The following GABRB1 variants were observed in gnomAD, a reference collection of about 807,000 sequenced individuals.
GABRB1 encodes the protein gamma-aminobutyric acid type A receptor subunit beta1, also known as gamma-aminobutyric acid receptor subunit beta-1.
Under a neutral mutation model 51.6 loss-of-function variants are expected in GABRB1, and 17 were observed. The observed-to-expected ratio is 0.33, with a 90% confidence interval of 0.23 to 0.49. The LOEUF (loss-of-function observed/expected upper bound fraction) is 0.49, where lower values mean the gene tolerates loss of function less well. GABRB1 is among the 20% of genes least tolerant of loss of function. The pLI is 0.99. For synonymous variants in GABRB1, 247 were observed against 218.9 expected, an observed-to-expected ratio of 1.13 and a Z score of -1.14; for missense variants, 410 against 600.6, an observed-to-expected ratio of 0.68 and a Z score of 3.32.
intron 1 of GABRB1, among the ~76,000 whole-genome samples, chr4:47,025,913 C>G (rs1328710313): frequency 6.6e-6 from 1 of 151,928 alleles, no homozygotes; most frequent in Admixed American, 6.6e-5. Context: ...CTTTAAAACT[C>G]AAAGCCTTTA....
intron 5 of GABRB1, among the ~76,000 whole-genome samples, chr4:47,379,561 T>A (rs1727522779): frequency 6.6e-6 from 1 of 152,206 alleles, no homozygotes; most frequent in South Asian, 2.1e-4. Flanking sequence ...TATTTTCAAT[T>A]TATGATTGGT....
intron 3 of GABRB1, chr4:47,032,714 G>A (rs779395315): frequency 1.3e-5 from 9 of 706,618 alleles, no homozygotes; most frequent in Non-Finnish European, 2.4e-5. Context: ...ACTATTTTGG[G>A]AAGGACGAGT....
At chr4:47,121,114 C>T (rs1401534530) in intron 3 of GABRB1, among the ~76,000 whole-genome samples, 1 of 152,132 alleles carries the variant, frequency 6.6e-6, no homozygotes, top group Non-Finnish European at 1.5e-5. Flanking sequence ...GGTGGCAAAG[C>T]TTAGTAAAAC....
intron 5 of GABRB1, among the ~76,000 whole-genome samples, chr4:47,355,707 A>G (rs1726541494): frequency 6.6e-6 from 1 of 152,218 alleles, no homozygotes; most frequent in Non-Finnish European, 1.5e-5. Context: ...CCTAATTTAT[A>G]GAAATTGTTA....
At chr4:47,170,380 TACACAC>T (rs10555441) in intron 4 of GABRB1, among the ~76,000 whole-genome samples, 16 of 149,008 alleles carry the variant, frequency 1.1e-4, no homozygotes, top group African/African-American at 1.2e-4. Flanking sequence ...ACAGATCCAC[TACACAC>T]ACACACACAC....
intron 5 of GABRB1, among the ~76,000 whole-genome samples, chr4:47,348,092 C>T (rs899148398): frequency 6.6e-6 from 1 of 152,164 alleles, no homozygotes; most frequent in African/African-American, 2.4e-5. Context: ...TTGTATTTCT[C>T]CTCACCTGAC....
At chr4:47,307,615 T>C (rs1724517086) in intron 4 of GABRB1, among the ~76,000 whole-genome samples, 1 of 152,070 alleles carries the variant, frequency 6.6e-6, no homozygotes, top group African/African-American at 2.4e-5. Flanking sequence ...TCAACAAAGA[T>C]ATTAAATTCA....
chr4:47,090,342 G>A (rs919735443), intron 3 of GABRB1, among the ~76,000 whole-genome samples: 6 of 152,036 alleles, frequency 3.9e-5, no homozygotes, highest in African/African-American at 9.7e-5. Flanking sequence ...ATTGTTATAC[G>A]AAGACATTTT....
chr4:47,183,785 T>A (rs1416235279), intron 4 of GABRB1, among the ~76,000 whole-genome samples: 1 of 151,900 alleles, frequency 6.6e-6, no homozygotes, highest in Non-Finnish European at 1.5e-5. Context: ...GCTTTTCGGT[T>A]CTATTCCACT....
chr4:47,061,220 CT>C (rs1726833578), intron 3 of GABRB1, among the ~76,000 whole-genome samples: 1 of 152,020 alleles, frequency 6.6e-6, no homozygotes, highest in Non-Finnish European at 1.5e-5. Context: ...TAAAAAGTGA[CT>C]TTTTTCTTTT....
rs549517337 is a variant in GABRB1 at position 47,351,545 on chromosome 4, G to A, written c.544+31336G>A. ...TTTAGCATTAGGTATATCTCCTAAT[G>A]CTATCCCTCCCCCCTCCCCCCACCC... is the stretch of plus-strand genomic sequence containing the variant. On this transcript the variant is annotated intron_variant, in intron 5 of 8. Transcript: ENST00000295454. 8.3e-4 allele frequency among the ~76,000 whole-genome samples: 122 copies of A among 146,948 alleles called. 1 individual carries two copies. Among genetic ancestry groups the A allele is most frequent in the Middle Eastern group, 6.8e-3 (2 of 292 alleles).
intron 4 of GABRB1, among the ~76,000 whole-genome samples, chr4:47,168,176 A>G (rs1427986745): frequency 6.6e-6 from 1 of 152,166 alleles, no homozygotes; most frequent in African/African-American, 2.4e-5. Flanking sequence ...ATATTATATA[A>G]CAGACACAAT....
At position 47,032,127 on chromosome 4, in the gene GABRB1, G is replaced by GACACACACACAC. The variant is rs375911533; in HGVS notation, c.172+122_172+123insACACACACACAC. The GACACACACACAC allele has an allele frequency of 1.6e-4, 93 of 580,452 alleles. 3 individuals are homozygous for GACACACACACAC. The highest frequency in any genetic ancestry group is 5.3e-4 in the East Asian group (18 of 34,184). The allele number at this position is 580,452 out of a possible 1,614,324, so 36.0% of individuals were successfully genotyped here. ...TTTCGTAAGCGTGCACTATACCCTG[G>GACACACACACAC]GCACACACACACACACACACACACA... On this transcript the variant is annotated intron_variant, in intron 2 of 8. Transcript: ENST00000295454.
At chr4:47,224,070 G>A (rs888855560) in intron 4 of GABRB1, among the ~76,000 whole-genome samples, 1 of 151,922 alleles carries the variant, frequency 6.6e-6, no homozygotes, top group African/African-American at 2.4e-5. Flanking sequence ...AGAGTTTAAA[G>A]ACTTTATGAA....
At chr4:47,094,604 A>G (rs970279225) in intron 3 of GABRB1, among the ~76,000 whole-genome samples, 2 of 152,084 alleles carry the variant, frequency 1.3e-5, no homozygotes, top group Admixed American at 1.3e-4. Context: ...ACTGGGGCCT[A>G]TCAGAGGGTG....
chr4:46,997,456 A>G (rs1577809462), intron 1 of GABRB1, among the ~76,000 whole-genome samples: 1 of 150,736 alleles, frequency 6.6e-6, no homozygotes, highest in African/African-American at 2.4e-5. Context: ...ACTTTCTTAT[A>G]CATAACTATA....
intron 4 of GABRB1, among the ~76,000 whole-genome samples, chr4:47,258,392 G>C (rs1261637162): frequency 6.6e-6 from 1 of 152,060 alleles, no homozygotes; most frequent in Non-Finnish European, 1.5e-5. Context: ...TTTAGATTAT[G>C]TTCCTACCAT....
At chr4:47,078,574 T>C (rs1026466682) in intron 3 of GABRB1, among the ~76,000 whole-genome samples, 1 of 152,200 alleles carries the variant, frequency 6.6e-6, no homozygotes, top group Non-Finnish European at 1.5e-5. Flanking sequence ...GTCAGCTTTG[T>C]CTTTTCCTTC....
At chr4:47,404,489 G>GCA (rs56335154) in intron 7 of GABRB1, among the ~76,000 whole-genome samples, 36,236 of 145,188 alleles carry the variant, frequency 0.25, 4,947 homozygotes, top group East Asian at 0.35. Context: ...ACACACGCAT[G>GCA]CACACACACA....
Sources: allele counts gnomAD v4.1 joint callset (sites outside exome capture counted in the v4.1 genomes callset), GRCh38; gene constraint gnomAD v4.1.1; transcripts MANE v1.5; gene names NCBI Gene and HGNC (gene_info 2026-07-23, HGNC 2026-07-21).